The following PRRX2 variants were observed in gnomAD, a reference collection of about 807,000 sequenced individuals.
PRRX2 encodes paired related homeobox 2.
PRRX2 carries 11 observed loss-of-function variants against 18.0 expected under a neutral mutation model. The observed-to-expected ratio is 0.61, with a 90% CI of 0.39 to 1.01. The LOEUF (loss-of-function observed/expected upper bound fraction) is 1.01. Ranked by LOEUF, PRRX2 falls within the 50% of genes least tolerant of loss-of-function variation. The probability of loss-of-function intolerance (pLI) is 0.01; values close to 1 mark genes in which losing one functional copy is unlikely to be tolerated. For missense variants in PRRX2, 387 were observed against 351.0 expected (o/e 1.10, Z -0.82); for synonymous variants, 177 against 154.8 (o/e 1.14, Z -1.06).
At position 129,715,753 on chromosome 9, in the gene PRRX2, C is replaced by CACACACACACACACAA. The variant is rs1832697745; in HGVS notation, c.260-3463_260-3462insAACACACACACACACA. Among the ~76,000 whole-genome samples, 3 of 43,904 alleles carry CACACACACACACACAA rather than the reference C, an allele frequency of 6.8e-5. No individual in the cohort carries two copies. Among genetic ancestry groups the CACACACACACACACAA allele is most frequent in the Non-Finnish European group, 1.8e-4 (3 of 16,230 alleles). The allele number at this position is 43,904 out of a possible 152,430, so 28.8% of individuals were successfully genotyped here. ...CCCAGCTTCAGGGACATCTTTCTCA[C>CACACACACACACACAA]ACACACACACACACACACACACACA... On this transcript the variant is annotated intron_variant, in intron 1 of 3. Coordinates refer to ENST00000372469, the MANE Select transcript of PRRX2 (RefSeq NM_016307.4). This position sits in a 1 kb window ranked among gnomAD's most constrained non-coding sequence, Gnocchi z 4.0.
intron 1 of PRRX2, among the ~76,000 whole-genome samples, chr9:129,682,580 T>A (rs1357666800): frequency 6.6e-6 from 1 of 152,150 alleles, no homozygotes; most frequent in Non-Finnish European, 1.5e-5. Flanking sequence ...CTTTGTCTCT[T>A]GACTGGTCCA....
At chr9:129,711,806 C>G (rs1385347569) in intron 1 of PRRX2, among the ~76,000 whole-genome samples, 1 of 152,194 alleles carries the variant, frequency 6.6e-6, no homozygotes, top group African/African-American at 2.4e-5. Context: ...GGACCGGCCA[C>G]CTCCTTAACC....
Position 129,701,630 on chromosome 9 carries a change from T to C in PRRX2, c.260-17601T>C, listed in dbSNP as rs556418166. Among the ~76,000 whole-genome samples, 4 of 152,380 alleles carry C rather than the reference T, an allele frequency of 2.6e-5. No individual in the cohort carries two copies. The South Asian group carries it at 8.3e-4, about 32-fold the overall frequency. ...CATACGCAGCATCCCTGGGTGTGTC[T>C]GATCACAATCCTAGGCTCTTAATCC... On this transcript the variant is annotated intron_variant, in intron 1 of 3. Coordinates refer to ENST00000372469, the MANE Select transcript of PRRX2 (RefSeq NM_016307.4).
At chr9:129,668,912 G>T (rs1832063513) in intron 1 of PRRX2, among the ~76,000 whole-genome samples, 1 of 152,038 alleles carries the variant, frequency 6.6e-6, no homozygotes, top group Admixed American at 6.6e-5. Context: ...ACTTTGGGAG[G>T]CTGAGGCAGT....
chr9:129,696,037 T>C (rs1249675944), intron 1 of PRRX2, among the ~76,000 whole-genome samples: 1 of 151,362 alleles, frequency 6.6e-6, no homozygotes, highest in Non-Finnish European at 1.5e-5. Flanking sequence ...CAAGCACACA[T>C]GCTTAGCCCA....
intron 1 of PRRX2, among the ~76,000 whole-genome samples, chr9:129,688,180 G>C (rs1238483779): frequency 6.6e-6 from 1 of 152,104 alleles, no homozygotes. Context: ...TCCCACCTCA[G>C]CCTGCCAGGT....
At chr9:129,681,983 A>G (rs1451613104) in intron 1 of PRRX2, among the ~76,000 whole-genome samples, 2 of 152,080 alleles carry the variant, frequency 1.3e-5, no homozygotes, top group Non-Finnish European at 2.9e-5. Flanking sequence ...TGGCGCCGAG[A>G]ATTTTCCTCC....
intron 1 of PRRX2, among the ~76,000 whole-genome samples, chr9:129,690,768 A>G (rs200267899): frequency 6.6e-6 from 1 of 151,694 alleles, no homozygotes; most frequent in African/African-American, 2.4e-5. Flanking sequence ...GGCCTCCCAA[A>G]GTGCTGGGAT....
chr9:129,699,431 AT>A (rs529805982), intron 1 of PRRX2, among the ~76,000 whole-genome samples: 165 of 143,636 alleles, frequency 1.1e-3, no homozygotes, highest in African/African-American at 4.2e-3. Flanking sequence ...CTCAAAAAAA[AT>A]ATATATATGT....
chr9:129,677,508 G>A (rs887699577), intron 1 of PRRX2, among the ~76,000 whole-genome samples: 1 of 152,228 alleles, frequency 6.6e-6, no homozygotes, highest in African/African-American at 2.4e-5. Flanking sequence ...CCACCTCCCG[G>A]TTCCTGCCTG....
chr9:129,689,300 G>T lies in PRRX2; in HGVS notation c.259+23174G>T, dbSNP rs189104092. ...ATGCTCCCTGAGCCAGGGCTTCCTCGTTTGGAAAAGGGGAGTAAGTGATAA... is the reference window on the plus strand; with the variant it reads ...ATGCTCCCTGAGCCAGGGCTTCCTCTTTTGGAAAAGGGGAGTAAGTGATAA... On this transcript the variant is annotated intron_variant, in intron 1 of 3. Coordinates refer to ENST00000372469, the MANE Select transcript of PRRX2 (RefSeq NM_016307.4). Among the ~76,000 whole-genome samples the T allele has an allele frequency of 2.0e-5, 3 of 152,300 alleles. No homozygotes were observed. In the South Asian group the frequency reaches 6.2e-4, roughly 32 times the overall value.
chr9:129,709,806 C>T lies in PRRX2; in HGVS notation c.260-9425C>T, dbSNP rs1423592069. 1.3e-5 allele frequency among the ~76,000 whole-genome samples: 2 copies of T among 152,128 alleles called. No homozygotes were observed. Among genetic ancestry groups the T allele is most frequent in the African/African-American group, 2.4e-5 (1 of 41,420 alleles). Reference sequence around the variant, plus strand: ...CTTCCTCACTCGGAGGACGTGTCCTCACCAGGCCTCCATGGCTCCAGGGGA... The same window carrying T: ...CTTCCTCACTCGGAGGACGTGTCCTTACCAGGCCTCCATGGCTCCAGGGGA... On this transcript the variant is annotated intron_variant, in intron 1 of 3. Coordinates refer to ENST00000372469, the MANE Select transcript of PRRX2 (RefSeq NM_016307.4). This position sits in a 1 kb window ranked among gnomAD's most constrained non-coding sequence, Gnocchi z 4.2.
chr9:129,669,807 G>C (rs1832077657), intron 1 of PRRX2, among the ~76,000 whole-genome samples: 1 of 152,054 alleles, frequency 6.6e-6, no homozygotes, highest in Admixed American at 6.5e-5. Context: ...GAGACTGGCA[G>C]ACCTACCTTC....
chr9:129,670,014 G>A (rs933576371), intron 1 of PRRX2, among the ~76,000 whole-genome samples: 4 of 145,672 alleles, frequency 2.7e-5, no homozygotes, highest in African/African-American at 1.0e-4. Flanking sequence ...CCCAGCCCCT[G>A]GCACCCAGCA....
intron 1 of PRRX2, among the ~76,000 whole-genome samples, chr9:129,666,354 G>T: frequency 6.6e-6 from 1 of 152,184 alleles, no homozygotes; most frequent in East Asian, 1.9e-4. Context: ...ACGGGGAAGT[G>T]CGCTGCCTTC....
In PRRX2 at chr9:129,722,601, C is replaced by A; in HGVS notation, c.*249C>A. ...GAAGGTGGAAGAGCCTGCCAAGGAC[C>A]TCATTTAGTTTGTGTATTAAAACCA... On this transcript the variant is annotated 3_prime_UTR_variant, in exon 4 of 4. Coordinates refer to ENST00000372469, the MANE Select transcript of PRRX2 (RefSeq NM_016307.4). The A allele has an allele frequency of 2.6e-6, 1 of 387,160 alleles. No individual in the cohort carries two copies. The highest frequency in any genetic ancestry group is 3.8e-5 in the East Asian group (1 of 26,510). The allele number at this position is 387,160 out of a possible 1,614,324, so 24.0% of individuals were successfully genotyped here.
intron 1 of PRRX2, among the ~76,000 whole-genome samples, chr9:129,678,677 G>T (rs1832191155): frequency 6.6e-6 from 1 of 152,184 alleles, no homozygotes; most frequent in South Asian, 2.1e-4. Flanking sequence ...AGCATGATGG[G>T]GGCCTGTGAT....
chr9:129,689,652 G>A (rs1832335596), intron 1 of PRRX2, among the ~76,000 whole-genome samples: 1 of 151,854 alleles, frequency 6.6e-6, no homozygotes, highest in South Asian at 2.1e-4. Flanking sequence ...ACGGTAGCAT[G>A]AGCTGGCGAG....
chr9:129,694,335 C>T (rs948401767), intron 1 of PRRX2, among the ~76,000 whole-genome samples: 11 of 152,182 alleles, frequency 7.2e-5, no homozygotes. Flanking sequence ...TGGGTGTGTG[C>T]CACCATGCCC....
Sources: allele counts gnomAD v4.1 joint callset (sites outside exome capture counted in the v4.1 genomes callset), GRCh38; gene constraint gnomAD v4.1.1; non-coding constraint Gnocchi (gnomAD v3.1); transcripts MANE v1.5; gene names NCBI Gene and HGNC (gene_info 2026-07-23, HGNC 2026-07-21).